PRR29: variants seen among roughly 807,000 people sequenced by gnomAD.
PRR29 encodes proline-rich protein 29.
In PRR29, 20 loss-of-function variants were observed where a neutral mutation model predicts 25.1. That is an observed-to-expected ratio of 0.80 (90% confidence interval 0.56 to 1.16). The LOEUF (loss-of-function observed/expected upper bound fraction) is 1.16. Among genes scored for constraint, PRR29 ranks in the 50% most tolerant of loss-of-function variants. The probability of loss-of-function intolerance (pLI) is 0.00; values close to 1 mark genes in which losing one functional copy is unlikely to be tolerated. For synonymous variants in PRR29, 108 were observed against 102.6 expected (o/e 1.05, Z -0.32); for missense variants, 238 against 246.6 (o/e 0.97, Z 0.23).
Position 64,003,600 on chromosome 17 carries a change from A to C in PRR29, c.*1839A>C, listed in dbSNP as rs1178728569. 1 of 1,563,904 alleles carries C rather than the reference A, an allele frequency of 6.4e-7. No homozygotes were observed. Among genetic ancestry groups the C allele is most frequent in the African/African-American group, 1.3e-5 (1 of 74,118 alleles). ...GATTTTTCTTCCCCCGAGGGGCTGA[A>C]AGTGACTTATCACTCCCAACTCCAT... On this transcript the variant is annotated 3_prime_UTR_variant, in exon 6 of 6. Transcript: ENST00000412177.
chr17:64,000,775 C>T (rs1598008004), intron 3 of PRR29: 1 of 345,930 alleles, frequency 2.9e-6, no homozygotes, highest in Middle Eastern at 8.8e-4. Context: ...GCCTCAGCCT[C>T]CTGAGTAGCT....
chr17:64,002,389 C>T lies in PRR29; in HGVS notation c.*628C>T, dbSNP rs1897852375. ...TGGGGCCAGGTGGGAACAGTGTGTC[C>T]TCTGCCCCCTGGGCCAGGGTGTGTT... On this transcript the variant is annotated 3_prime_UTR_variant, in exon 6 of 6. Transcript: ENST00000412177. The T allele has an allele frequency of 5.0e-6, 2 of 401,924 alleles. No individual in the cohort carries two copies. Among genetic ancestry groups the T allele is most frequent in the Admixed American group, 3.8e-5 (1 of 25,978 alleles). The allele number at this position is 401,924 out of a possible 1,614,324, so 24.9% of individuals were successfully genotyped here.
chr17:63,999,477 A>C (rs1910426648), intron 3 of PRR29: 2 of 239,866 alleles, frequency 8.3e-6, no homozygotes, highest in Non-Finnish European at 1.7e-5. Context: ...ATACAAAGCC[A>C]GGTTGGCTGT....
At position 63,998,797 on chromosome 17, in the gene PRR29, T is replaced by TCCCCCC; in HGVS notation, c.136+16_136+21dup. 21 of 1,062,582 alleles carry TCCCCCC rather than the reference T, an allele frequency of 2.0e-5. No homozygotes were observed. Among genetic ancestry groups the TCCCCCC allele is most frequent in the South Asian group, 8.2e-5 (6 of 73,248 alleles). The allele number at this position is 1,062,582 out of a possible 1,614,324, so 65.8% of individuals were successfully genotyped here. On this transcript the variant is annotated intron_variant, in intron 2 of 5. Coordinates refer to ENST00000412177, the MANE Select transcript of PRR29 (RefSeq NM_001164257.2). Reference sequence around the variant, plus strand: ...CGTGAAGGAAGGTGAGACTCCCGGGTCCCCCCACCCCACCCCCACCATCAC... The same window carrying TCCCCCC: ...CGTGAAGGAAGGTGAGACTCCCGGGTCCCCCCCCCCCCACCCCACCCCCACCATCAC...
chr17:63,999,126 G>A, intron 3 of PRR29, 52 bp downstream of exon 3: 1 of 1,376,704 alleles, frequency 7.3e-7, no homozygotes, highest in Non-Finnish European at 1.0e-6. Context: ...CAGGGATGCG[G>A]ATCCACCTGG....
At chr17:63,998,498 G>A in intron 1 of PRR29, 74 bp downstream of exon 1, 4 of 1,409,612 alleles carry the variant, frequency 2.8e-6, no homozygotes, top group Non-Finnish European at 3.7e-6. Flanking sequence ...CCCTGGAGGG[G>A]CCAGATCCTG....
chr17:63,998,485 T>C (rs1910273835), intron 1 of PRR29, 61 bp downstream of exon 1: 1 of 1,433,066 alleles, frequency 7.0e-7, no homozygotes, highest in South Asian at 1.4e-5. Flanking sequence ...AGTGGGGAGC[T>C]GTCCCTGGAG....
In PRR29 at chr17:63,998,771, G is replaced by A; in HGVS notation, c.125G>A (p.Arg42His). The A allele has an allele frequency of 6.6e-7, 1 of 1,524,510 alleles. No individual in the cohort carries two copies. Among genetic ancestry groups the A allele is most frequent in the Non-Finnish European group, 8.8e-7 (1 of 1,140,574 alleles). The allele number at this position is 1,524,510 out of a possible 1,614,324, so 94.4% of individuals were successfully genotyped here. ...AVPPAPPQPG[R>H]VKEDLLELMM... ...CCACCTGCGCCCCCGCAGCCAGGCC[G>A]CGTGAAGGAAGGTGAGACTCCCGGG... The change falls in exon 2 of 6, where the codon CGC becomes CAC. Residue 42 changes from arginine to histidine, a missense_variant. Physicochemically the swap from Arg to His is conservative, Grantham distance 29 (BLOSUM62 0). Coordinates refer to ENST00000412177, the MANE Select transcript of PRR29 (RefSeq NM_001164257.2).
Position 64,000,814 on chromosome 17 carries a change from A to G in PRR29, c.244-270A>G, listed in dbSNP as rs1193141608. Reference sequence around the variant, plus strand: ...ACTACAGGCGCCCACCACCATGCCCAGCTAATTTTTTTTTTTTTTTTTTTG... The same window carrying G: ...ACTACAGGCGCCCACCACCATGCCCGGCTAATTTTTTTTTTTTTTTTTTTG... On this transcript the variant is annotated intron_variant, in intron 3 of 5. Transcript: ENST00000412177. The G allele has an allele frequency of 1.4e-3, 529 of 368,164 alleles. 2 individuals carry two copies. The highest frequency in any genetic ancestry group is 0.013 in the African/African-American group (484 of 37,592). The allele number at this position is 368,164 out of a possible 1,614,324, so 22.8% of individuals were successfully genotyped here.
At chr17:64,000,160 C>T (rs1427492276) in intron 3 of PRR29, among the ~76,000 whole-genome samples, 1 of 152,034 alleles carries the variant, frequency 6.6e-6, no homozygotes, top group African/African-American at 2.4e-5. Context: ...GGGGTGAGGC[C>T]GGGGACAGCT....
rs1216854374 is a variant in PRR29 at position 64,004,218 on chromosome 17, G to A, written c.*2457G>A. Reference sequence around the variant, plus strand: ...AGGTTCAGAAATTGTACAGCCAACTGGAAAGATATAAAAGTTTGGGTCTGT... The same window carrying A: ...AGGTTCAGAAATTGTACAGCCAACTAGAAAGATATAAAAGTTTGGGTCTGT... On this transcript the variant is annotated 3_prime_UTR_variant, in exon 6 of 6. Coordinates refer to ENST00000412177, the MANE Select transcript of PRR29 (RefSeq NM_001164257.2). 1.0e-5 allele frequency: 5 copies of A among 496,304 alleles called. No homozygotes were observed. The highest frequency in any genetic ancestry group is 1.4e-5 in the Non-Finnish European group (4 of 279,034). The allele number at this position is 496,304 out of a possible 1,614,324, so 30.7% of individuals were successfully genotyped here. A position where few individuals can be genotyped will look rare whatever the true frequency, so the allele number is the denominator to read the frequency against.
At position 64,001,878 on chromosome 17, in the gene PRR29, C is replaced by G. The variant is rs1337923688; in HGVS notation, c.*117C>G. On this transcript the variant is annotated 3_prime_UTR_variant, in exon 6 of 6. Transcript: ENST00000412177. ...TGCCCATGGCTGGCAGTCCTTCTCA[C>G]TCCCTCAACCTCAGCCAGGCCCTCT... The G allele has an allele frequency of 1.3e-6, 2 of 1,536,630 alleles. No individual in the cohort carries two copies. The highest frequency in any genetic ancestry group is 2.7e-5 in the African/African-American group (2 of 73,000).
At chr17:63,999,670 T>C (rs1397139821) in intron 3 of PRR29, 2 of 164,844 alleles carry the variant, frequency 1.2e-5, no homozygotes, top group Non-Finnish European at 2.6e-5. Context: ...GGAGACAGAA[T>C]GGGGGAAACC....
Position 64,002,811 on chromosome 17 carries a change from T to C in PRR29, c.*1050T>C. 6.2e-7 allele frequency: 1 copy of C among 1,613,842 alleles called. No individual in the cohort carries two copies. Among genetic ancestry groups the C allele is most frequent in the Non-Finnish European group, 8.5e-7 (1 of 1,179,992 alleles). On this transcript the variant is annotated 3_prime_UTR_variant, in exon 6 of 6. Coordinates refer to ENST00000412177, the MANE Select transcript of PRR29 (RefSeq NM_001164257.2). ...TCGCACCCCGTAGGTGCCCATCCGC[T>C]GCTGGCGCAAGTGCTGGCCGAAGAT...
intron 3 of PRR29, chr17:63,999,382 T>A: frequency 2.1e-6 from 1 of 466,612 alleles, no homozygotes; most frequent in South Asian, 2.6e-5. Flanking sequence ...CCATGCATCA[T>A]GAGCGTCTGG....
At position 64,004,082 on chromosome 17, in the gene PRR29, T is replaced by C; in HGVS notation, c.*2321T>C. On this transcript the variant is annotated 3_prime_UTR_variant, in exon 6 of 6. Transcript: ENST00000412177. ...TTCCACGGTTGGGGAGGAGGTGGCC[T>C]GGCCGGCTCCAGTGCAGAGAGGAAG... 1 of 753,812 alleles carries C rather than the reference T, an allele frequency of 1.3e-6. No homozygotes were observed. The highest frequency in any genetic ancestry group is 2.1e-6 in the Non-Finnish European group (1 of 470,428). 46.7% of individuals were successfully genotyped at this position (753,812 alleles called of 1,614,324 possible).
intron 1 of PRR29, 136 bp downstream of exon 1, chr17:63,998,560 G>A (rs1034241356): frequency 1.8e-6 from 2 of 1,140,664 alleles, no homozygotes; most frequent in Non-Finnish European, 1.2e-6. Flanking sequence ...AAGAGGCGTG[G>A]CAGGGAGCAG....
intron 3 of PRR29, chr17:63,999,867 TGCAA>T (rs1198481549): frequency 3.5e-5 from 5 of 141,458 alleles, no homozygotes; most frequent in African/African-American, 5.0e-5. Context: ...AGTGTGTGCG[TGCAA>T]GCAAGTGTGT....
At position 64,003,870 on chromosome 17, in the gene PRR29, G is replaced by T. The variant is rs1470987273; in HGVS notation, c.*2109G>T. The T allele has an allele frequency of 1.2e-6, 2 of 1,614,220 alleles. No individual in the cohort carries two copies. Among genetic ancestry groups the T allele is most frequent in the Non-Finnish European group, 1.7e-6 (2 of 1,180,038 alleles). On this transcript the variant is annotated 3_prime_UTR_variant, in exon 6 of 6. Transcript: ENST00000412177. Reference sequence around the variant, plus strand: ...ACAGGAAGAGGGTGAGGCTGTCCAGGGGCTCCACGGTGGGCACCCTGCACT... The same window carrying T: ...ACAGGAAGAGGGTGAGGCTGTCCAGTGGCTCCACGGTGGGCACCCTGCACT...
Sources: gnomAD v4.1 joint callset for allele counts (sites outside exome capture counted in the v4.1 genomes callset) on GRCh38, gnomAD v4.1.1 for gene constraint, MANE v1.5 for transcripts, NCBI Gene and HGNC (gene_info 2026-07-23, HGNC 2026-07-21) for gene names.